Variants in RB1 observed in about 807,000 individuals in gnomAD.
RB1 encodes retinoblastoma-associated protein.
RB1 carries 18 observed loss-of-function variants against 135.4 expected under a neutral mutation model. That is an observed-to-expected ratio of 0.13 (90% CI 0.09 to 0.20). The LOEUF (loss-of-function observed/expected upper bound fraction) is 0.20. Ranked by LOEUF, RB1 falls within the 10% of genes least tolerant of loss-of-function variation. The probability of loss-of-function intolerance (pLI) is 1.00; values close to 1 mark genes in which losing one functional copy is unlikely to be tolerated. For missense variants in RB1, 868 were observed against 1,110.0 expected (o/e 0.78, Z 3.10); for synonymous variants, 365 against 373.2 (o/e 0.98, Z 0.25).
rs1025643013 is a variant in RB1, at chr13:48,481,735, A to G, written c.*1664A>G. 2 of 230,038 alleles carry G rather than the reference A, an allele frequency of 8.7e-6. No individual in the cohort carries two copies. The allele number at this position is 230,038 out of a possible 1,614,324, so 14.2% of individuals were successfully genotyped here. On this transcript the variant is annotated 3_prime_UTR_variant, in exon 27 of 27. Coordinates refer to ENST00000267163, the MANE Select transcript of RB1 (RefSeq NM_000321.3). ...TGCCAGAATTTTAGGAACTTCAGAG[A>G]TCGTGTATTGAGATTTCTTAAATAA...
rs143685082 is a variant in RB1, at chr13:48,452,989, A to G, written c.1696-4A>G. The G allele has an allele frequency of 1.4e-5, 22 of 1,612,258 alleles. No homozygotes were observed. The highest frequency in any genetic ancestry group is 1.7e-5 in the Admixed American group (1 of 59,952). ...TGGTTTTAATTTCATCATGTTTCAT[A>G]TAGGATTCACCTTTATTTGATCTTA... On this transcript the variant is annotated splice_polypyrimidine_tract_variant and splice_region_variant and intron_variant, in intron 17 of 26. Transcript: ENST00000267163.
At chr13:48,431,622 A>G (rs1949130463) in intron 17 of RB1, among the ~76,000 whole-genome samples, 1 of 152,090 alleles carries the variant, frequency 6.6e-6, no homozygotes, top group Admixed American at 6.6e-5. Flanking sequence ...ATGTTTGGAA[A>G]ATTTGAGGGT....
intron 2 of RB1, chr13:48,320,468 G>T (rs1206671875): frequency 4.8e-6 from 4 of 826,384 alleles, no homozygotes; most frequent in Non-Finnish European, 3.9e-6. Context: ...GCGTTCCTGA[G>T]AAACATTCTA....
intron 17 of RB1, among the ~76,000 whole-genome samples, chr13:48,392,020 G>T (rs913671270): frequency 6.6e-6 from 1 of 152,168 alleles, no homozygotes; most frequent in Non-Finnish European, 1.5e-5. Flanking sequence ...AAGGTCTTTT[G>T]CTGGGTATTG....
At chr13:48,451,666 A>G (rs1387921542) in intron 17 of RB1, among the ~76,000 whole-genome samples, 9 of 151,684 alleles carry the variant, frequency 5.9e-5, no homozygotes, top group Admixed American at 4.6e-4. Context: ...CTTCCTTTCA[A>G]TTTTTTAGAA....
intron 17 of RB1, among the ~76,000 whole-genome samples, chr13:48,430,034 T>TA (rs1949113720): frequency 6.6e-6 from 1 of 152,230 alleles, no homozygotes; most frequent in East Asian, 1.9e-4. Flanking sequence ...TGTTCACCTG[T>TA]AGATACTGTG....
In RB1 at chr13:48,476,688, C is replaced by A. The variant is rs1316744254; in HGVS notation, c.2521-13C>A. The A allele has an allele frequency of 6.2e-7, 1 of 1,609,768 alleles. No homozygotes were observed. The highest frequency in any genetic ancestry group is 1.1e-5 in the South Asian group (1 of 90,952). On this transcript the variant is annotated splice_polypyrimidine_tract_variant and intron_variant, in intron 24 of 26. Coordinates refer to ENST00000267163, the MANE Select transcript of RB1 (RefSeq NM_000321.3). ...ATTTAATGATTTAAAGTAAAGAATT[C>A]TGTAATTTGTAGACTTCTGAGAAGT... is the stretch of plus-strand genomic sequence containing the variant.
At chr13:48,391,900 A>G (rs1466701081) in intron 17 of RB1, among the ~76,000 whole-genome samples, 2 of 152,104 alleles carry the variant, frequency 1.3e-5, no homozygotes, top group Non-Finnish European at 2.9e-5. Flanking sequence ...GATTACTGGC[A>G]TGAGCCACCG....
intron 2 of RB1, among the ~76,000 whole-genome samples, chr13:48,310,645 T>TG (rs1479311706): frequency 6.6e-6 from 1 of 150,752 alleles, no homozygotes; most frequent in Non-Finnish European, 1.5e-5. Context: ...CATTGATGTA[T>TG]TTTTTTTTAG....
chr13:48,438,092 C>A (rs532473850), intron 17 of RB1, among the ~76,000 whole-genome samples: 6 of 152,306 alleles, frequency 3.9e-5, no homozygotes, highest in African/African-American at 1.4e-4. Flanking sequence ...AAAGTCCCAT[C>A]TGAACCCTGG....
At chr13:48,351,577 T>C (rs1238455070) in intron 6 of RB1, among the ~76,000 whole-genome samples, 1 of 152,168 alleles carries the variant, frequency 6.6e-6, no homozygotes, top group Non-Finnish European at 1.5e-5. Flanking sequence ...GTGCAGAAGC[T>C]CTTGAGTTTA....
chr13:48,423,617 C>T lies in RB1; in HGVS notation c.1696-29376C>T, dbSNP rs58001261. ...CGATTAAAACTTTAAAGAATTCTCT[C>T]ATTAAAAGTTTCGAAGGCCATAATT... On this transcript the variant is annotated intron_variant, in intron 17 of 26. Transcript: ENST00000267163. Among the ~76,000 whole-genome samples, 1,764 of 152,112 alleles carry T rather than the reference C, an allele frequency of 0.012. 67 individuals are homozygous for T. In the East Asian group the frequency reaches 0.12, roughly 10 times the overall value.
chr13:48,410,500 T>C (rs1948784131), intron 17 of RB1, among the ~76,000 whole-genome samples: 1 of 152,204 alleles, frequency 6.6e-6, no homozygotes, highest in Non-Finnish European at 1.5e-5. Flanking sequence ...TATTACTTTC[T>C]AAATGCCAAG....
chr13:48,452,321 G>C (rs944829982), intron 17 of RB1, among the ~76,000 whole-genome samples: 1 of 152,040 alleles, frequency 6.6e-6, no homozygotes, highest in Non-Finnish European at 1.5e-5. Flanking sequence ...AACCAAATGA[G>C]CTTGATGTTT....
intron 17 of RB1, among the ~76,000 whole-genome samples, chr13:48,418,334 G>C (rs914715732): frequency 6.6e-6 from 1 of 152,130 alleles, no homozygotes; most frequent in Admixed American, 6.5e-5. Context: ...CAAATGTTGA[G>C]AGATTTTGTC....
intron 17 of RB1, chr13:48,444,846 A>G (rs1461599923): frequency 6.6e-6 from 1 of 152,236 alleles, no homozygotes; most frequent in Non-Finnish European, 1.5e-5. Context: ...GCCTTGGAAC[A>G]GGTTAAAGGA....
chr13:48,319,929 G>T lies in RB1; in HGVS notation c.264+12523G>T. On this transcript the variant is annotated intron_variant, in intron 2 of 26. Coordinates refer to ENST00000267163, the MANE Select transcript of RB1 (RefSeq NM_000321.3). The surrounding 1 kb of genome is among the most constrained non-coding windows in gnomAD (Gnocchi z 5.0). ...CACCTGAGCCAGGTACAAGTTTTGG[G>T]GGGACACACGGAAGTCGGGGCACTG... is the stretch of plus-strand genomic sequence containing the variant. 2.9e-6 allele frequency: 1 copy of T among 340,498 alleles called. No homozygotes were observed. The allele number at this position is 340,498 out of a possible 1,614,324, so 21.1% of individuals were successfully genotyped here.
intron 11 of RB1, among the ~76,000 whole-genome samples, chr13:48,371,039 G>A (rs4151510): frequency 0.11 from 16,512 of 152,236 alleles, 1,027 homozygotes; most frequent in Admixed American, 0.17. Context: ...AACACAATGT[G>A]TCTGGGGAAC....
intron 17 of RB1, among the ~76,000 whole-genome samples, chr13:48,385,829 A>G (rs1948567133): frequency 6.6e-6 from 1 of 152,174 alleles, no homozygotes; most frequent in African/African-American, 2.4e-5. Flanking sequence ...GATCTTCACA[A>G]TGTAACATTT....
Sources: allele counts gnomAD v4.1 joint callset (sites outside exome capture counted in the v4.1 genomes callset), GRCh38; gene constraint gnomAD v4.1.1; non-coding constraint Gnocchi (gnomAD v3.1); transcripts MANE v1.5; gene names NCBI Gene and HGNC (gene_info 2026-07-23, HGNC 2026-07-21).